NRXN1: variants seen among roughly 807,000 people sequenced by gnomAD.
NRXN1 encodes the protein neurexin-1.
Under a neutral mutation model 150.9 loss-of-function variants are expected in NRXN1, and 39 were observed. The ratio of observed to expected loss-of-function variants is 0.26; its 90% CI spans 0.20 to 0.34. NRXN1 has a LOEUF of 0.34. NRXN1 is among the 10% of genes least tolerant of loss of function. The pLI is 1.00. For synonymous variants in NRXN1, 924 were observed against 757.0 expected, an observed-to-expected ratio of 1.22 and a Z score of -3.62; for missense variants, 1,815 against 1,949.9, an observed-to-expected ratio of 0.93 and a Z score of 1.30.
intron 5 of NRXN1, among the ~76,000 whole-genome samples, chr2:50,687,820 C>T (rs1166828094): frequency 6.6e-6 from 1 of 152,118 alleles, no homozygotes; most frequent in Non-Finnish European, 1.5e-5. Flanking sequence ...TTTTGACAAA[C>T]ACGGGCAAGA....
intron 15 of NRXN1, among the ~76,000 whole-genome samples, chr2:50,479,385 G>C (rs909949655): frequency 6.6e-6 from 1 of 152,110 alleles, no homozygotes; most frequent in African/African-American, 2.4e-5. Flanking sequence ...TTGGAAATGT[G>C]TACCTGTTTC....
chr2:50,641,199 C>T lies in NRXN1; in HGVS notation c.833-17584G>A, dbSNP rs115436273. ...ATAAACATTTGGCTCAAGGTTTTAA[C>T]CAAGCCAAATGTTGACTAAAAGCCT... On this transcript the variant is annotated intron_variant, in intron 5 of 22. Coordinates refer to ENST00000401669, the MANE Select transcript of NRXN1 (RefSeq NM_001330078.2). Among the ~76,000 whole-genome samples the T allele has an allele frequency of 5.6e-3, 859 of 152,196 alleles. 7 individuals are homozygous for T. Among genetic ancestry groups the T allele is most frequent in the African/African-American group, 0.02 (834 of 41,544 alleles).
At chr2:50,921,943 G>C in intron 4 of NRXN1, 63 bp from the exon 5 acceptor site, 1 of 949,882 alleles carries the variant, frequency 1.1e-6, no homozygotes, top group Non-Finnish European at 1.5e-6. Context: ...ATAAAGAGGA[G>C]AAAAACAACA....
At chr2:50,983,162 T>C (rs953492662) in intron 2 of NRXN1, among the ~76,000 whole-genome samples, 2 of 152,092 alleles carry the variant, frequency 1.3e-5, no homozygotes, top group Admixed American at 1.3e-4. Context: ...AGTATAAATA[T>C]TTTGGCTTCC....
intron 17 of NRXN1, chr2:50,312,890 T>A (rs1444027678): frequency 2.2e-6 from 1 of 444,450 alleles, no homozygotes; most frequent in Admixed American, 2.4e-5. Flanking sequence ...GAGCACTACA[T>A]AAGCAACTTG....
intron 5 of NRXN1, among the ~76,000 whole-genome samples, chr2:50,835,328 C>T (rs1671959563): frequency 6.6e-6 from 1 of 152,148 alleles, no homozygotes; most frequent in African/African-American, 2.4e-5. Context: ...AAAAGGCCTA[C>T]TAAAGAAAAT....
chr2:50,601,659 C>T (rs961691560), intron 8 of NRXN1, among the ~76,000 whole-genome samples: 1 of 152,126 alleles, frequency 6.6e-6, no homozygotes, highest in African/African-American at 2.4e-5. Flanking sequence ...AACAATGTTG[C>T]CGTCCATTAA....
At chr2:50,971,573 G>A (rs935807252) in intron 2 of NRXN1, among the ~76,000 whole-genome samples, 23 of 151,718 alleles carry the variant, frequency 1.5e-4, no homozygotes, top group African/African-American at 5.3e-4. Flanking sequence ...ACAAGAGCAA[G>A]ACTCGATCTC....
At chr2:50,352,776 T>TAATATAATAATAATAATAATA in intron 17 of NRXN1, among the ~76,000 whole-genome samples, 1 of 84,028 alleles carries the variant, frequency 1.2e-5, no homozygotes, top group Non-Finnish European at 2.4e-5. Flanking sequence ...ATAATAATAA[T>TAATATAATAATAATAATAATA]ATTATAATAA....
At chr2:50,828,437 C>T (rs1208139651) in intron 5 of NRXN1, among the ~76,000 whole-genome samples, 16 of 148,638 alleles carry the variant, frequency 1.1e-4, no homozygotes, top group Admixed American at 2.7e-4. Context: ...TCAGACGGGG[C>T]GGCTGCCGGG....
intron 5 of NRXN1, among the ~76,000 whole-genome samples, chr2:50,652,412 C>T (rs1025124074): frequency 6.6e-6 from 1 of 152,028 alleles, no homozygotes; most frequent in South Asian, 2.1e-4. Flanking sequence ...CCCAGGCCAA[C>T]CTAAGCAAAC....
In NRXN1 at chr2:50,839,549, G is replaced by T. The variant is rs79444154; in HGVS notation, c.832+82320C>A. ...TTAACTAATTTTTGAAACCGATGAG[G>T]CCAGAGAAAGATCTTCATGCATCTT... is the stretch of plus-strand genomic sequence containing the variant. On this transcript the variant is annotated intron_variant, in intron 5 of 22. Transcript: ENST00000401669. Among the ~76,000 whole-genome samples, 6,529 of 152,128 alleles carry T rather than the reference G, an allele frequency of 0.043. 494 individuals carry two copies. Among genetic ancestry groups the T allele is most frequent in the African/African-American group, 0.15 (6,182 of 41,500 alleles).
In NRXN1 at chr2:50,357,376, T is replaced by A. The variant is rs186522964; in HGVS notation, c.3364+108066A>T. Among the ~76,000 whole-genome samples, 790 of 152,118 alleles carry A rather than the reference T, an allele frequency of 5.2e-3. 8 individuals carry two copies. Among genetic ancestry groups the A allele is most frequent in the Admixed American group, 6.8e-3 (104 of 15,280 alleles). ...CAGGATGGAGTGCAATGGGGCAATC[T>A]CAGCTCACCACAACCTCTGCCTCCT... On this transcript the variant is annotated intron_variant, in intron 17 of 22. Transcript: ENST00000401669.
chr2:50,992,018 G>C (rs993601182), intron 2 of NRXN1, among the ~76,000 whole-genome samples: 7 of 151,914 alleles, frequency 4.6e-5, no homozygotes, highest in African/African-American at 1.7e-4. Flanking sequence ...AAAAGCCTAA[G>C]ACTCAATCCG....
intron 12 of NRXN1, among the ~76,000 whole-genome samples, chr2:50,524,100 T>C (rs944549554): frequency 6.6e-6 from 1 of 152,096 alleles, no homozygotes; most frequent in Non-Finnish European, 1.5e-5. Context: ...ACAAATGTAA[T>C]AAGGCATAAA....
Position 50,347,090 on chromosome 2 carries a change from C to G in NRXN1, c.3365-110120G>C. 1 of 1,385,030 alleles carries G rather than the reference C, an allele frequency of 7.2e-7. No homozygotes were observed. Among genetic ancestry groups the G allele is most frequent in the Non-Finnish European group, 9.5e-7 (1 of 1,053,610 alleles). The allele number at this position is 1,385,030 out of a possible 1,614,324, so 85.8% of individuals were successfully genotyped here. A position where few individuals can be genotyped will look rare whatever the true frequency, so the allele number is the denominator to read the frequency against. ...CCGCGCCAGGGCACCCATCCTCTCC[C>G]TCCTTCGGACAGTCTTCTCGGGGTC... On this transcript the variant is annotated intron_variant, in intron 17 of 22. Transcript: ENST00000401669. The surrounding 1 kb of genome is among the most constrained non-coding windows in gnomAD (Gnocchi z 4.9).
intron 17 of NRXN1, among the ~76,000 whole-genome samples, chr2:50,460,774 T>C (rs1395322321): frequency 1.3e-5 from 2 of 152,036 alleles, no homozygotes; most frequent in Non-Finnish European, 2.9e-5. Flanking sequence ...TTCCCCATAG[T>C]TTTTTTAAGG....
intron 5 of NRXN1, among the ~76,000 whole-genome samples, chr2:50,704,346 A>G (rs1410667833): frequency 6.6e-6 from 1 of 152,008 alleles, no homozygotes; most frequent in East Asian, 1.9e-4. Context: ...TTTCCTTACA[A>G]TTCTTAAATC....
intron 17 of NRXN1, among the ~76,000 whole-genome samples, chr2:50,331,027 AT>A (rs933482086): frequency 1.6e-4 from 24 of 152,338 alleles, no homozygotes; most frequent in African/African-American, 5.5e-4. Flanking sequence ...AGAATGCAAA[AT>A]TATAACCCAA....
Sources: allele counts gnomAD v4.1 joint callset (sites outside exome capture counted in the v4.1 genomes callset), GRCh38; gene constraint gnomAD v4.1.1; non-coding constraint Gnocchi (gnomAD v3.1); transcripts MANE v1.5; gene names NCBI Gene and HGNC (gene_info 2026-07-23, HGNC 2026-07-21).